The following NEDD4 variants were observed in gnomAD, a reference collection of about 807,000 sequenced individuals.
NEDD4 encodes E3 ubiquitin-protein ligase NEDD4.
In NEDD4, 99 loss-of-function variants were observed where a neutral mutation model predicts 144.9. The ratio of observed to expected loss-of-function variants is 0.68; its 90% CI spans 0.58 to 0.81. The LOEUF is 0.81. Ranked by LOEUF, NEDD4 falls within the 30% of genes least tolerant of loss-of-function variation. The probability of loss-of-function intolerance (pLI) is 0.00; values close to 1 mark genes in which losing one functional copy is unlikely to be tolerated. For synonymous variants in NEDD4, 318 were observed against 350.6 expected, an observed-to-expected ratio of 0.91 and a Z score of 1.04; for missense variants, 985 against 1,065.9, an observed-to-expected ratio of 0.92 and a Z score of 1.06.
At chr15:55,960,900 TC>T (rs1247908051) in intron 2 of NEDD4, among the ~76,000 whole-genome samples, 1 of 152,188 alleles carries the variant, frequency 6.6e-6, no homozygotes, top group Non-Finnish European at 1.5e-5. Flanking sequence ...CCTAGATGGC[TC>T]CCCACTTCCT....
chr15:55,883,773 A>C (rs994308044), intron 5 of NEDD4, among the ~76,000 whole-genome samples: 7 of 152,236 alleles, frequency 4.6e-5, no homozygotes, highest in African/African-American at 1.7e-4. Context: ...TGTGAGAGAG[A>C]GAGACACTCT....
At chr15:55,858,305 T>C (rs1210188117) in intron 11 of NEDD4, among the ~76,000 whole-genome samples, 3 of 34,510 alleles carry the variant, frequency 8.7e-5, no homozygotes, top group Non-Finnish European at 1.7e-4. Context: ...ATCAATATGG[T>C]TTATTCTTTT....
intron 1 of NEDD4, among the ~76,000 whole-genome samples, chr15:55,967,141 T>G (rs1324703402): frequency 6.6e-6 from 1 of 152,174 alleles, no homozygotes; most frequent in Non-Finnish European, 1.5e-5. Flanking sequence ...TGCCTCAGCC[T>G]CCTAAAATGT....
intron 5 of NEDD4, 46 bp downstream of exon 5, chr15:55,924,600 A>C: frequency 6.5e-7 from 1 of 1,538,668 alleles, no homozygotes; most frequent in South Asian, 1.2e-5. Context: ...TGCTCCACTG[A>C]AATGTACCCT....
intron 27 of NEDD4, 59 bp from the exon 28 acceptor site, chr15:55,830,645 A>T: frequency 6.8e-7 from 1 of 1,459,986 alleles, no homozygotes; most frequent in Non-Finnish European, 9.6e-7. Flanking sequence ...CAGGCATATC[A>T]AAACTTTTTC....
intron 2 of NEDD4, among the ~76,000 whole-genome samples, chr15:55,960,885 C>G (rs1248712355): frequency 1.3e-5 from 2 of 152,216 alleles, no homozygotes; most frequent in African/African-American, 4.8e-5. Flanking sequence ...GTTGACTGTG[C>G]ATGTCCTAGA....
intron 4 of NEDD4, among the ~76,000 whole-genome samples, chr15:55,946,384 C>T (rs1194366494): frequency 6.6e-6 from 1 of 152,082 alleles, no homozygotes. Flanking sequence ...AGACTTTCAA[C>T]CAACAAAGAC....
chr15:55,942,592 T>C (rs1254799828), intron 4 of NEDD4, among the ~76,000 whole-genome samples: 1 of 152,188 alleles, frequency 6.6e-6, no homozygotes, highest in African/African-American at 2.4e-5. Context: ...ATTGTTAAGT[T>C]TCCTGAGGCC....
At chr15:55,848,303 T>A in intron 17 of NEDD4, 69 bp downstream of exon 17, 1 of 1,467,986 alleles carries the variant, frequency 6.8e-7, no homozygotes. Flanking sequence ...GTTATGCCCG[T>A]GACTATCTGC....
chr15:55,860,364 A>T, intron 11 of NEDD4, 43 bp downstream of exon 11: 1 of 1,591,950 alleles, frequency 6.3e-7, no homozygotes, highest in Non-Finnish European at 8.6e-7. Flanking sequence ...AATATGCATA[A>T]TATAAACTAC....
At chr15:55,894,644 A>G (rs140183266) in intron 5 of NEDD4, among the ~76,000 whole-genome samples, 238 of 152,304 alleles carry the variant, frequency 1.6e-3, no homozygotes, top group African/African-American at 5.2e-3. Flanking sequence ...TTGAATTTCA[A>G]TTTCTTTGGA....
At chr15:55,948,949 C>T (rs1350538520) in intron 4 of NEDD4, among the ~76,000 whole-genome samples, 1 of 152,156 alleles carries the variant, frequency 6.6e-6, no homozygotes, top group African/African-American at 2.4e-5. Context: ...CCAGAATTGA[C>T]AAATGGGATC....
intron 6 of NEDD4, 53 bp from the exon 7 acceptor site, chr15:55,872,529 A>G: frequency 1.3e-6 from 1 of 792,446 alleles, no homozygotes. Flanking sequence ...AAAAGCATGT[A>G]CTTTTCAAGA....
chr15:55,868,692 C>A (rs2034671349), intron 8 of NEDD4, among the ~76,000 whole-genome samples: 3 of 152,128 alleles, frequency 2.0e-5, no homozygotes. Flanking sequence ...TATAAATTAC[C>A]CAGTCTCTGA....
chr15:55,889,759 G>T (rs532054878), intron 5 of NEDD4, among the ~76,000 whole-genome samples: 117 of 152,036 alleles, frequency 7.7e-4, no homozygotes, highest in Non-Finnish European at 1.3e-3. Context: ...GGAGTGCAGT[G>T]GTGTGATCTC....
chr15:55,976,099 C>T (rs989904523), intron 1 of NEDD4, among the ~76,000 whole-genome samples: 14 of 152,068 alleles, frequency 9.2e-5, no homozygotes, highest in African/African-American at 3.1e-4. Flanking sequence ...CAAACTAGAC[C>T]CCTATCTCTT....
At chr15:55,985,518 C>A (rs1297164761) in intron 1 of NEDD4, among the ~76,000 whole-genome samples, 1 of 152,054 alleles carries the variant, frequency 6.6e-6, no homozygotes, top group African/African-American at 2.4e-5. Context: ...GAGATGTCTG[C>A]GTGGTCAGGA....
At chr15:55,956,503 C>A (rs2142312261) in intron 2 of NEDD4, among the ~76,000 whole-genome samples, 1 of 152,208 alleles carries the variant, frequency 6.6e-6, no homozygotes, top group East Asian at 1.9e-4. Context: ...CTATACAGAC[C>A]AGTTGTTCTA....
At chr15:55,941,297 G>A (rs1370763906) in intron 4 of NEDD4, among the ~76,000 whole-genome samples, 1 of 151,926 alleles carries the variant, frequency 6.6e-6, no homozygotes, top group Non-Finnish European at 1.5e-5. Context: ...TTAGATCATT[G>A]ATTTTGAATA....
Sources: gnomAD v4.1 joint callset for allele counts (sites outside exome capture counted in the v4.1 genomes callset) on GRCh38, gnomAD v4.1.1 for gene constraint, MANE v1.5 for transcripts, NCBI Gene and HGNC (gene_info 2026-07-23, HGNC 2026-07-21) for gene names.